MUC5B: variants seen among roughly 807,000 people sequenced by gnomAD.
MUC5B encodes the protein mucin 5B, oligomeric mucus/gel-forming, also known as mucin-5B.
Under a neutral mutation model 376.9 loss-of-function variants are expected in MUC5B, and 116 were observed. The ratio of observed to expected loss-of-function variants is 0.31; its 90% CI spans 0.26 to 0.36. The LOEUF (loss-of-function observed/expected upper bound fraction) is 0.36. MUC5B is among the 10% of genes least tolerant of loss of function. The pLI, the probability that MUC5B is intolerant of heterozygous loss-of-function variation, is 1.00. For synonymous variants in MUC5B, 3,517 were observed against 3,390.9 expected (o/e 1.04, Z -1.29); for missense variants, 7,165 against 7,769.9 (o/e 0.92, Z 2.93).
In MUC5B at chr11:1,247,059, G is replaced by A. The variant is rs372677425; in HGVS notation, c.10179G>A (p.Thr3393=). ...TSGTPPSLTT[T]ATTITATGST... ...GTACTCCCCCATCACTGACCACCAC[G>A]GCCACTACGATCACAGCCACCGGCT... Residue 3393 remains threonine (T), a synonymous_variant, in exon 31 of 49, where the codon ACG becomes ACA. Transcript: ENST00000529681. 217 of 1,558,028 alleles carry A rather than the reference G, an allele frequency of 1.4e-4. No individual in the cohort carries two copies. In the East Asian group the frequency reaches 3.9e-3, roughly 28 times the overall value.
At chr11:1,225,857 T>C (rs1883027) in intron 2 of MUC5B, 120 bp downstream of exon 2, 1 of 975,322 alleles carries the variant, frequency 1.0e-6, no homozygotes, top group Non-Finnish European at 1.5e-6. Flanking sequence ...CCTCCCTGGG[T>C]CCCCTGCCCA....
chr11:1,254,917 C>A, intron 35 of MUC5B, 37 bp downstream of exon 35: 1 of 1,585,604 alleles, frequency 6.3e-7, no homozygotes, highest in South Asian at 1.1e-5. Context: ...GCCAGGGCTG[C>A]TGCTGGGCCT....
Position 1,254,742 on chromosome 11 carries a change from G to T in MUC5B, c.15526G>T (p.Val5176Leu). ...PVSSGFSKNGVLVSVLGTTTM... is the reference protein window; with the variant it reads ...PVSSGFSKNGLLVSVLGTTTM... The stretch of plus-strand genomic sequence containing the variant: ...GAGCAGCGGTTTCAGCAAGAACGGC[G>T]TGCTTGTGTCTGTGCTGGGGACCAC... Residue 5176 changes from valine to leucine, a missense_variant, in exon 35 of 49, where the codon GTG becomes TTG. Coordinates refer to ENST00000529681, the MANE Select transcript of MUC5B (RefSeq NM_002458.3). 4 of 1,612,894 alleles carry T rather than the reference G, an allele frequency of 2.5e-6. No individual in the cohort carries two copies. Among genetic ancestry groups the T allele is most frequent in the Non-Finnish European group, 2.5e-6 (3 of 1,179,752 alleles).
In MUC5B at chr11:1,250,722, G is replaced by C. The variant is rs554194475; in HGVS notation, c.13842G>C (p.Thr4614=). 1.9e-6 allele frequency: 3 copies of C among 1,598,568 alleles called. No individual in the cohort carries two copies. The East Asian group carries it at 6.7e-5, about 36-fold the overall frequency. ...TPSSSPGTAL[T]PPVWISTTTT... is the part of the protein sequence containing the mutation. The stretch of plus-strand genomic sequence containing the variant: ...CCTCCAGCCCAGGGACGGCACTCAC[G>C]CCTCCAGTGTGGATCAGCACAACCA... The change falls in exon 31 of 49, where the codon ACG becomes ACC. Residue 4614 remains threonine, a synonymous_variant. Coordinates refer to ENST00000529681, the MANE Select transcript of MUC5B (RefSeq NM_002458.3).
chr11:1,235,737 G>A (rs1285320038), intron 23 of MUC5B, among the ~76,000 whole-genome samples: 1 of 152,044 alleles, frequency 6.6e-6, no homozygotes, highest in African/African-American at 2.4e-5. Flanking sequence ...GTCTGCGTCT[G>A]TCTTCTCTCT....
In MUC5B at chr11:1,257,592, G is replaced by T; in HGVS notation, c.16332G>T (p.Val5444=). 6.2e-7 allele frequency: 1 copy of T among 1,606,172 alleles called. No homozygotes were observed. The highest frequency in any genetic ancestry group is 8.5e-7 in the Non-Finnish European group (1 of 1,179,658). The change falls in exon 41 of 49, where the codon GTG becomes GTT. Residue 5444 remains valine (V), a synonymous_variant. Transcript: ENST00000529681. The surrounding 1 kb of genome is among the most constrained non-coding windows in gnomAD (Gnocchi z 8.9). ...TGTGTGACGAGGGTTCAGTGTCGGT[G>T]CAGTGCAAGCCCCTGCCCTGTGACG... The part of the protein sequence containing the change: ...SCVCDEGSVS[V]QCKPLPCDAQ...
rs367833762 is a variant in MUC5B at position 1,251,325 on chromosome 11, G to C, written c.14445G>C (p.Thr4815=). 1.2e-6 allele frequency: 2 copies of C among 1,603,338 alleles called. 1 individual carries two copies. Among genetic ancestry groups the C allele is most frequent in the South Asian group, 2.2e-5 (2 of 90,688 alleles). Residue 4815 remains threonine, a synonymous_variant, in exon 31 of 49, where the codon ACG becomes ACC. Transcript: ENST00000529681. ...STATPSSTLG[T]TRILTELTTT... The stretch of plus-strand genomic sequence containing the variant: ...CCACACCCTCCTCCACTCTGGGGAC[G>C]ACCCGGATCCTCACTGAGCTGACCA...
rs1374657058 is a variant in MUC5B, at chr11:1,244,253, C to A, written c.7373C>A (p.Thr2458Asn). The change falls in exon 31 of 49, where the codon ACC (threonine) becomes AAC (asparagine). Residue 2458 changes from threonine (T) to asparagine (N), a missense_variant. By Grantham distance (65) the Thr-to-Asn change is moderately conservative. This residue lies in a region of MUC5B where 194 missense variants were observed against 268.5 expected (regional missense o/e 0.72). Coordinates refer to ENST00000529681, the MANE Select transcript of MUC5B (RefSeq NM_002458.3). ...STGSTATPSS[T>N]PGTTWILTEP... Reference sequence around the variant, plus strand: ...GGATCCACGGCCACCCCGTCCTCCACCCCAGGGACCACCTGGATCCTCACA... The same window carrying A: ...GGATCCACGGCCACCCCGTCCTCCAACCCAGGGACCACCTGGATCCTCACA... 5.0e-6 allele frequency: 8 copies of A among 1,610,938 alleles called. No homozygotes were observed. The highest frequency in any genetic ancestry group is 1.1e-5 in the South Asian group (1 of 90,928).
rs761227757 is a variant in MUC5B, at chr11:1,251,114, CCA to C, written c.14237_14238del (p.Thr4746SerfsTer75). 1 of 1,611,436 alleles carries C rather than the reference CCA, an allele frequency of 6.2e-7. No homozygotes were observed. The highest frequency in any genetic ancestry group is 1.1e-5 in the South Asian group (1 of 91,040). ...GTGCTGACAAGCACAGCCACAAAATCCACAGCTACCAGCTTTACACCCATCCC... is the reference window on the plus strand; with the variant it reads ...GTGCTGACAAGCACAGCCACAAAATCCAGCTACCAGCTTTACACCCATCCC... On this transcript the variant is annotated frameshift_variant, in exon 31 of 49. Transcript: ENST00000529681. LOFTEE classifies it high-confidence loss of function.
At position 1,232,758 on chromosome 11, in the gene MUC5B, G is replaced by A. The variant is rs1361229618; in HGVS notation, c.2053G>A (p.Asp685Asn). 1.9e-6 allele frequency: 3 copies of A among 1,594,692 alleles called. No individual in the cohort carries two copies. Among genetic ancestry groups the A allele is most frequent in the Non-Finnish European group, 2.6e-6 (3 of 1,168,942 alleles). ...GGGCGTACAGCTCAGCGACTGGAGG[G>A]ACGGCGTCTGCAGTGAGTGCCCACG... ...AKGVQLSDWR[D>N]GVCTKYMQNC... The change falls in exon 17 of 49, where the codon GAC becomes AAC. Residue 685 changes from aspartate to asparagine, a missense_variant. By Grantham distance (23) the Asp-to-Asn change is conservative (BLOSUM62 1). Coordinates refer to ENST00000529681, the MANE Select transcript of MUC5B (RefSeq NM_002458.3).
chr11:1,257,143 G>A lies in MUC5B; in HGVS notation c.16238-97G>A. The A allele has an allele frequency of 2.6e-6, 2 of 763,686 alleles. No homozygotes were observed. Among genetic ancestry groups the A allele is most frequent in the East Asian group, 2.5e-5 (1 of 40,746 alleles). The allele number at this position is 763,686 out of a possible 1,614,324, so 47.3% of individuals were successfully genotyped here. A position where few individuals can be genotyped will look rare whatever the true frequency, so the allele number is the denominator to read the frequency against. On this transcript the variant is annotated intron_variant, in intron 39 of 48. Coordinates refer to ENST00000529681, the MANE Select transcript of MUC5B (RefSeq NM_002458.3). The surrounding 1 kb of genome is among the most constrained non-coding windows in gnomAD (Gnocchi z 8.9). The stretch of plus-strand genomic sequence containing the variant: ...TCTCCAGGGCCTTCCATCCCGGGGG[G>A]AAGCAGGCTCCAGGCCTGAGAGCAC...
At chr11:1,228,937 C>A (rs1437660776) in intron 8 of MUC5B, among the ~76,000 whole-genome samples, 172 bp downstream of exon 8, 1 of 151,656 alleles carries the variant, frequency 6.6e-6, no homozygotes, top group Non-Finnish European at 1.5e-5. Context: ...GGGGTGGGGC[C>A]TCCGGGGGCT....
chr11:1,243,811 A>G lies in MUC5B; in HGVS notation c.6931A>G (p.Thr2311Ala). 2.5e-6 allele frequency: 4 copies of G among 1,611,572 alleles called. No individual in the cohort carries two copies. The highest frequency in any genetic ancestry group is 3.4e-6 in the Non-Finnish European group (4 of 1,179,608). Residue 2311 changes from threonine (T) to alanine (A), a missense_variant, in exon 31 of 49, where the codon ACC becomes GCC. Around this residue, in one of 31 missense-constraint regions of MUC5B, gnomAD observed 26 missense variants for 36.2 expected, o/e 0.72. Transcript: ENST00000529681. ...PTSAPITTVV[T>A]MGCEPQCAWS... ...ATCGGCCCCCATAACCACGGTGGTG[A>G]CCATGGGCTGTGAGCCCCAGTGTGC...
At chr11:1,228,834 C>T in intron 8 of MUC5B, 69 bp downstream of exon 8, 2 of 1,232,256 alleles carry the variant, frequency 1.6e-6, no homozygotes, top group Non-Finnish European at 1.1e-6. Flanking sequence ...GCCTTGGGGG[C>T]CACTGGGGGT....
chr11:1,235,416 G>A lies in MUC5B; in HGVS notation c.2880+3G>A, dbSNP rs371465623. On this transcript the variant is annotated splice_donor_region_variant and intron_variant, in intron 23 of 48. Coordinates refer to ENST00000529681, the MANE Select transcript of MUC5B (RefSeq NM_002458.3). ...AGGCCATCAAGCTCTTCGTGGAGGT[G>A]AGAACGGCCCCAGCTGTGAGCACCC... 134 of 1,610,202 alleles carry A rather than the reference G, an allele frequency of 8.3e-5. No homozygotes were observed. The African/African-American group carries it at 1.6e-3, about 19-fold the overall frequency.
intron 23 of MUC5B, chr11:1,235,626 C>T (rs981487956): frequency 1.7e-5 from 10 of 592,202 alleles, no homozygotes; most frequent in Non-Finnish European, 2.7e-5. Flanking sequence ...GCGGGCAGGG[C>T]CACACTCCCT....
At chr11:1,252,221 C>T (rs1434806096) in intron 31 of MUC5B, 122 bp from the exon 32 acceptor site, 1 of 990,290 alleles carries the variant, frequency 1.0e-6, no homozygotes, top group South Asian at 1.7e-5. Flanking sequence ...CCTCTGCCCT[C>T]TCCACTCCCT....
In MUC5B at chr11:1,250,501, A is replaced by G. The variant is rs1440935386; in HGVS notation, c.13621A>G (p.Thr4541Ala). Residue 4541 changes from threonine (T) to alanine (A), a missense_variant, in exon 31 of 49, where the codon ACC becomes GCC. Physicochemically the swap from Thr to Ala is moderately conservative, Grantham distance 58 (BLOSUM62 0). Coordinates refer to ENST00000529681, the MANE Select transcript of MUC5B (RefSeq NM_002458.3). ...CACCTGGACCCGCCTATCACAGACC[A>G]CCACACCCACGGCCACCATGTCCAC... is the stretch of plus-strand genomic sequence containing the variant. ...GTTWTRLSQT[T>A]TPTATMSTAT... is the part of the protein sequence containing the mutation. 1 of 1,612,052 alleles carries G rather than the reference A, an allele frequency of 6.2e-7. No individual in the cohort carries two copies. Among genetic ancestry groups the G allele is most frequent in the Admixed American group, 1.7e-5 (1 of 59,872 alleles).
intron 14 of MUC5B, among the ~76,000 whole-genome samples, 170 bp downstream of exon 14, chr11:1,231,730 C>T (rs569080049): frequency 2.4e-4 from 36 of 152,318 alleles, no homozygotes; most frequent in Admixed American, 7.2e-4. Context: ...ATTGGACCAG[C>T]GGCCCCGGAA....
Sources: allele counts gnomAD v4.1 joint callset (sites outside exome capture counted in the v4.1 genomes callset), GRCh38; gene constraint gnomAD v4.1.1; regional missense constraint gnomAD v4.1.1; non-coding constraint Gnocchi (gnomAD v3.1); transcripts MANE v1.5; gene names NCBI Gene and HGNC (gene_info 2026-07-23, HGNC 2026-07-21).